Variants in ADGRL2 observed in about 807,000 individuals in gnomAD.
ADGRL2 encodes the protein adhesion G protein-coupled receptor L2.
ADGRL2 carries 44 observed loss-of-function variants against 157.4 expected under a neutral mutation model. That is an observed-to-expected ratio of 0.28 (90% CI 0.22 to 0.36). The LOEUF (loss-of-function observed/expected upper bound fraction) is 0.36, where lower values mean the gene tolerates loss of function less well. ADGRL2 is among the 10% of genes least tolerant of loss of function. The pLI is 1.00. For missense variants in ADGRL2, 1,510 were observed against 1,768.9 expected, an observed-to-expected ratio of 0.85 and a Z score of 2.63; for synonymous variants, 585 against 624.7, an observed-to-expected ratio of 0.94 and a Z score of 0.95.
At chr1:81,588,891 T>C (rs77308141) in intron 3 of ADGRL2, among the ~76,000 whole-genome samples, 2,054 of 152,248 alleles carry the variant, frequency 0.013, 20 homozygotes, top group Non-Finnish European at 0.02. Context: ...ATCCATAGCT[T>C]TAAGTTTACT....
intron 2 of ADGRL2, among the ~76,000 whole-genome samples, chr1:81,559,525 G>T (rs544557303): frequency 6.6e-6 from 1 of 151,262 alleles, no homozygotes; most frequent in Non-Finnish European, 1.5e-5. Context: ...GAATCAAATA[G>T]AATTTATAAG....
At chr1:81,710,767 G>C (rs1570917996) in intron 1 of ADGRL2, among the ~76,000 whole-genome samples, 1 of 148,436 alleles carries the variant, frequency 6.7e-6, no homozygotes, top group African/African-American at 2.5e-5. Flanking sequence ...ACAGATACTA[G>C]ATGCAAAAAA....
At chr1:81,489,838 A>G (rs2078591863) in intron 2 of ADGRL2, among the ~76,000 whole-genome samples, 1 of 152,242 alleles carries the variant, frequency 6.6e-6, no homozygotes, top group East Asian at 1.9e-4. Flanking sequence ...AAAAGGCATC[A>G]ATCAAGAAGT....
At chr1:81,958,637 G>C (rs1654361590) in intron 11 of ADGRL2, among the ~76,000 whole-genome samples, 2 of 152,010 alleles carry the variant, frequency 1.3e-5, no homozygotes, top group Non-Finnish European at 2.9e-5. Flanking sequence ...TAAAAACTTG[G>C]AGGTATAATT....
intron 1 of ADGRL2, chr1:81,722,241 G>A (rs369708812): frequency 2.5e-6 from 1 of 397,530 alleles, no homozygotes; most frequent in Non-Finnish European, 4.8e-6. Context: ...TGCAGTGAGC[G>A]GAGATCGCGC....
At chr1:81,948,355 G>C (rs1350522364) in intron 6 of ADGRL2, among the ~76,000 whole-genome samples, 2 of 151,508 alleles carry the variant, frequency 1.3e-5, no homozygotes, top group African/African-American at 4.9e-5. Context: ...ACCTTGACTC[G>C]GTTATTATGA....
chr1:81,860,267 A>G (rs755488062), intron 2 of ADGRL2, among the ~76,000 whole-genome samples: 10 of 152,146 alleles, frequency 6.6e-5, no homozygotes, highest in East Asian at 1.9e-4. Flanking sequence ...CTGGTATTCT[A>G]TATTTTAAAG....
intron 1 of ADGRL2, among the ~76,000 whole-genome samples, chr1:81,374,661 C>T (rs112328761): frequency 3.9e-5 from 6 of 151,998 alleles, no homozygotes; most frequent in African/African-American, 9.7e-5. Flanking sequence ...GCAATTCTGG[C>T]GGTCCTGGGC....
intron 2 of ADGRL2, among the ~76,000 whole-genome samples, chr1:81,453,727 T>G (rs2077746044): frequency 6.6e-6 from 1 of 152,108 alleles, no homozygotes; most frequent in African/African-American, 2.4e-5. Flanking sequence ...CAGCAAATGA[T>G]AAAAAGTCTT....
At chr1:81,728,062 G>C (rs1049514209) in intron 1 of ADGRL2, among the ~76,000 whole-genome samples, 8 of 152,224 alleles carry the variant, frequency 5.3e-5, no homozygotes, top group African/African-American at 1.7e-4. Flanking sequence ...CCAAGTATGA[G>C]ATGACCCATT....
chr1:81,307,734 G>A (rs1363381497), intron 1 of ADGRL2, among the ~76,000 whole-genome samples: 1 of 151,920 alleles, frequency 6.6e-6, no homozygotes, highest in Admixed American at 6.6e-5. Flanking sequence ...CATCTTCTAG[G>A]TAGATACTTG....
intron 3 of ADGRL2, among the ~76,000 whole-genome samples, chr1:81,625,377 G>A (rs768255529): frequency 1.2e-4 from 18 of 151,736 alleles, no homozygotes; most frequent in Non-Finnish European, 2.2e-4. Flanking sequence ...TATTTAACAC[G>A]TGACAAAGAG....
intron 1 of ADGRL2, among the ~76,000 whole-genome samples, chr1:81,388,924 A>G (rs1388901569): frequency 6.6e-6 from 1 of 152,066 alleles, no homozygotes; most frequent in East Asian, 1.9e-4. Context: ...CCCCAGCTCA[A>G]CGTAGGTAGA....
chr1:81,864,606 G>A (rs1571767705), intron 2 of ADGRL2, among the ~76,000 whole-genome samples: 1 of 152,190 alleles, frequency 6.6e-6, no homozygotes, highest in African/African-American at 2.4e-5. Flanking sequence ...TATTTACAAT[G>A]AAGTTGGAAA....
intron 1 of ADGRL2, among the ~76,000 whole-genome samples, chr1:81,381,252 A>C (rs1014853087): frequency 6.6e-6 from 1 of 152,156 alleles, no homozygotes; most frequent in Admixed American, 6.5e-5. Flanking sequence ...CTTTTCCCAA[A>C]ATTTATACCC....
intron 3 of ADGRL2, among the ~76,000 whole-genome samples, chr1:81,930,725 G>A (rs915168466): frequency 1.2e-4 from 19 of 152,140 alleles, no homozygotes; most frequent in Non-Finnish European, 2.9e-5. Context: ...TTACACTTCA[G>A]CTTTTACAGA....
chr1:81,416,436 T>A (rs2077036289), intron 1 of ADGRL2, among the ~76,000 whole-genome samples: 1 of 152,186 alleles, frequency 6.6e-6, no homozygotes, highest in African/African-American at 2.4e-5. Flanking sequence ...TACTTCAGCT[T>A]GTTCCCTGCG....
chr1:81,470,986 A>G (rs910174734), intron 2 of ADGRL2, among the ~76,000 whole-genome samples: 2 of 152,198 alleles, frequency 1.3e-5, no homozygotes, highest in Non-Finnish European at 2.9e-5. Context: ...CTAGCTGTGT[A>G]ACCCTCACAA....
At chr1:81,762,242 TTTGGAA>T (rs1465316242) in intron 2 of ADGRL2, among the ~76,000 whole-genome samples, 1 of 152,154 alleles carries the variant, frequency 6.6e-6, no homozygotes, top group East Asian at 1.9e-4. Context: ...GTAAGAGTCC[TTTGGAA>T]TTGTTACTGT....
Sources: gnomAD v4.1 joint callset for allele counts (sites outside exome capture counted in the v4.1 genomes callset) on GRCh38, gnomAD v4.1.1 for gene constraint, MANE v1.5 for transcripts, NCBI Gene and HGNC (gene_info 2026-07-23, HGNC 2026-07-21) for gene names.